ERCC1: variants seen among roughly 807,000 people sequenced by gnomAD.
ERCC1 encodes the protein DNA excision repair protein ERCC-1.
Under a neutral mutation model 37.6 loss-of-function variants are expected in ERCC1, and 36 were observed. The ratio of observed to expected loss-of-function variants is 0.96; its 90% confidence interval spans 0.73 to 1.26. The LOEUF is 1.26. Ranked by LOEUF, ERCC1 falls within the 50% of genes most tolerant of loss-of-function variation. The pLI, the probability that ERCC1 is intolerant of heterozygous loss-of-function variation, is 0.00. For synonymous variants in ERCC1, 156 were observed against 162.1 expected (o/e 0.96, Z 0.28); for missense variants, 349 against 376.5 (o/e 0.93, Z 0.60).
At chr19:45,436,511 A>C (rs938505655) in intron 1 of ERCC1, 1 of 152,266 alleles carries the variant, frequency 6.6e-6, no homozygotes, top group Admixed American at 6.6e-5. Flanking sequence ...CTGTAGACCC[A>C]GCTACTCGTG....
chr19:45,411,268 C>T (rs1012115577), intron 9 of ERCC1, among the ~76,000 whole-genome samples: 5 of 152,172 alleles, frequency 3.3e-5, no homozygotes, highest in African/African-American at 9.7e-5. Context: ...AGTGCAGATA[C>T]CTGTTCCATA....
At chr19:45,423,571 C>T (rs1974575483) in intron 1 of ERCC1, 190 bp from the exon 2 acceptor site, 10 of 1,425,826 alleles carry the variant, frequency 7.0e-6, no homozygotes, top group Admixed American at 2.8e-5. Context: ...TCGCCCCGCC[C>T]CTTACAGGTC....
rs148716185 is a variant in ERCC1 at position 45,433,275 on chromosome 19, C to T, written c.-7-9894G>A. Among the ~76,000 whole-genome samples the T allele has an allele frequency of 3.1e-3, 470 of 152,128 alleles. 2 individuals are homozygous for T. Among genetic ancestry groups the T allele is most frequent in the Non-Finnish European group, 4.9e-3 (330 of 67,984 alleles). ...GCACAATGCCTCATGCCTGTAATCCCAGCACTTTGGGAGACCAAGGCAGGT... is the reference window on the plus strand; with the variant it reads ...GCACAATGCCTCATGCCTGTAATCCTAGCACTTTGGGAGACCAAGGCAGGT... On this transcript the variant is annotated intron_variant, in intron 1 of 8. Coordinates refer to the ERCC1 transcript ENST00000423698.
intron 5 of ERCC1, 115 bp downstream of exon 5, chr19:45,418,983 G>A: frequency 1.3e-6 from 1 of 765,680 alleles, no homozygotes; most frequent in Non-Finnish European, 2.3e-6. Flanking sequence ...CATCTCAGAT[G>A]TGAAAAACGT....
Position 45,419,177 on chromosome 19 carries a change from T to C in ERCC1, c.446A>G (p.His149Arg), listed in dbSNP as rs150489444. ...CAGCCGCCCATGGATGTAGTCTGGG[T>C]GCAGGTTGTGGTAGCGGAGGCTGGT... Reference protein sequence around the residue: ...LFLSLRYHNLHPDYIHGRLQS... With the variant: ...LFLSLRYHNLRPDYIHGRLQS... Residue 149 changes from histidine (H) to arginine (R), a missense_variant, in exon 5 of 10, where the codon CAC (histidine) becomes CGC (arginine). Transcript: ENST00000300853. The C allele has an allele frequency of 1.1e-5, 18 of 1,595,884 alleles. No homozygotes were observed. Among genetic ancestry groups the C allele is most frequent in the Non-Finnish European group, 1.5e-5 (18 of 1,170,270 alleles).
intron 1 of ERCC1, 116 bp downstream of exon 1, chr19:45,423,665 C>T (rs1974581597): frequency 7.9e-7 from 1 of 1,272,562 alleles, no homozygotes; most frequent in Non-Finnish European, 1.0e-6. Context: ...GTTCGTCCGG[C>T]CCCCGAGGCT....
At position 45,408,706 on chromosome 19, in the gene ERCC1, C is replaced by T. The variant is rs769283749; in HGVS notation, c.*969G>A. 1.5e-5 allele frequency: 25 copies of T among 1,613,640 alleles called. 1 individual carries two copies. In the South Asian group the frequency reaches 2.7e-4, roughly 18 times the overall value. The stretch of plus-strand genomic sequence containing the variant: ...CACTGGAGCCTCTGGGAGTGCTGTT[C>T]CCGTCCACCACCAAGAAGAGGAAGA... On this transcript the variant is annotated 3_prime_UTR_variant, in exon 10 of 10. Transcript: ENST00000300853.
At chr19:45,434,030 A>C (rs1171075394) in intron 1 of ERCC1, among the ~76,000 whole-genome samples, 1 of 150,968 alleles carries the variant, frequency 6.6e-6, no homozygotes, top group Non-Finnish European at 1.5e-5. Context: ...AGTCCCAGCT[A>C]CTCGGGAGGA....
chr19:45,407,368 C>T lies in ERCC1; in HGVS notation c.*2307G>A, dbSNP rs1973409123. ...AGAAACAAGTTTATTGGAAACTACT[C>T]CTTTACAGAGTAGAGTGTCCTCAGA... On this transcript the variant is annotated 3_prime_UTR_variant, in exon 10 of 10. Coordinates refer to ENST00000300853, the MANE Select transcript of ERCC1 (RefSeq NM_001983.4). The T allele has an allele frequency of 3.7e-6, 3 of 804,270 alleles. No homozygotes were observed. Among genetic ancestry groups the T allele is most frequent in the Admixed American group, 3.1e-5 (1 of 32,178 alleles). The allele number at this position is 804,270 out of a possible 1,614,324, so 49.8% of individuals were successfully genotyped here.
In ERCC1 at chr19:45,408,466, C is replaced by A; in HGVS notation, c.*1209G>T. On this transcript the variant is annotated 3_prime_UTR_variant, in exon 10 of 10. Transcript: ENST00000300853. ...TCACAGGGCCTAGGTCAGCCTTGGC[C>A]CCCAACCTGCTCACCTCAGGGAAGA... 1 of 1,613,900 alleles carries A rather than the reference C, an allele frequency of 6.2e-7. No homozygotes were observed. Among genetic ancestry groups the A allele is most frequent in the Non-Finnish European group, 8.5e-7 (1 of 1,179,936 alleles).
chr19:45,408,269 G>A lies in ERCC1; in HGVS notation c.*1406C>T, dbSNP rs1819880952. 6.2e-7 allele frequency: 1 copy of A among 1,614,108 alleles called. No homozygotes were observed. Among genetic ancestry groups the A allele is most frequent in the Non-Finnish European group, 8.5e-7 (1 of 1,180,010 alleles). ...GACCCTGCTGGCCCCCTCAACGGAG[G>A]CAGGAGGTGGACTCACCTGTGCCTC... On this transcript the variant is annotated 3_prime_UTR_variant, in exon 10 of 10. Transcript: ENST00000300853.
intron 9 of ERCC1, chr19:45,413,448 TTTTTA>T: frequency 1.2e-6 from 1 of 831,756 alleles, no homozygotes; most frequent in Non-Finnish European, 2.0e-6. Flanking sequence ...CAGCTAGTTT[TTTTTA>T]TTTTTAGTAA....
At chr19:45,409,914 T>A (rs1973603180) in intron 9 of ERCC1, 189 bp from the exon 10 acceptor site, 1 of 228,618 alleles carries the variant, frequency 4.4e-6, no homozygotes, top group African/African-American at 2.4e-5. Context: ...TTTTTTGAGA[T>A]GGAGTCTCGC....
At chr19:45,425,725 T>G (rs1440287460), upstream of ERCC1, among the ~76,000 whole-genome samples, 1 of 152,198 alleles carries the variant, frequency 6.6e-6, no homozygotes, top group Non-Finnish European at 1.5e-5. Context: ...TGTAACCAAT[T>G]GTCTCAAGTT....
At chr19:45,435,593 G>T (rs765112190) in intron 1 of ERCC1, among the ~76,000 whole-genome samples, 2 of 152,152 alleles carry the variant, frequency 1.3e-5, no homozygotes, top group African/African-American at 2.4e-5. Context: ...CTCACAAGTA[G>T]CTGGGACTAT....
At chr19:45,422,643 G>A (rs1263248082) in intron 2 of ERCC1, among the ~76,000 whole-genome samples, 1 of 152,106 alleles carries the variant, frequency 6.6e-6, no homozygotes, top group Non-Finnish European at 1.5e-5. Flanking sequence ...TGTAATCCCA[G>A]TTACTCGGGA....
chr19:45,431,827 G>A (rs1311389581), intron 1 of ERCC1, among the ~76,000 whole-genome samples: 2 of 152,132 alleles, frequency 1.3e-5, no homozygotes, highest in African/African-American at 4.8e-5. Flanking sequence ...GCAGGTGGAG[G>A]CTGCAGTGAG....
rs1318001821 is a variant in ERCC1, at chr19:45,409,079, G to A, written c.*596C>T. On this transcript the variant is annotated 3_prime_UTR_variant, in exon 10 of 10. Transcript: ENST00000300853. ...GACCATGGCGCCTCAACAGCCAGAA[G>A]GAGCGAAGCCTCAGGCCCAGGCAGC... The A allele has an allele frequency of 1.2e-6, 2 of 1,613,780 alleles. No individual in the cohort carries two copies. The highest frequency in any genetic ancestry group is 1.7e-5 in the Admixed American group (1 of 59,986).
upstream of ERCC1, among the ~76,000 whole-genome samples, chr19:45,425,082 A>ATTTTTTTTTTTTTTTTTTTTT (rs35314737): frequency 1.7e-5 from 2 of 116,950 alleles, no homozygotes; most frequent in Non-Finnish European, 3.5e-5. Context: ...TGCCCGGCTA[A>ATTTTTTTTTTTTTTTTTTTTT]TTTTTTTTTT....
Sources: allele counts gnomAD v4.1 joint callset (sites outside exome capture counted in the v4.1 genomes callset), GRCh38; gene constraint gnomAD v4.1.1; transcripts MANE v1.5; gene names NCBI Gene and HGNC (gene_info 2026-07-23, HGNC 2026-07-21).